CWF19L2: variants seen among roughly 807,000 people sequenced by gnomAD.
The protein encoded by CWF19L2 is CWF19 like cell cycle control factor 2.
CWF19L2 carries 98 observed loss-of-function variants against 111.7 expected under a neutral mutation model. The observed-to-expected ratio is 0.88, with a 90% CI of 0.75 to 1.04. The LOEUF (loss-of-function observed/expected upper bound fraction) is 1.04. CWF19L2 is among the 50% of genes least tolerant of loss of function. CWF19L2 has a pLI of 0.00. For synonymous variants in CWF19L2, 351 were observed against 342.9 expected, an observed-to-expected ratio of 1.02 and a Z score of -0.26; for missense variants, 1,101 against 1,051.4, an observed-to-expected ratio of 1.05 and a Z score of -0.65.
chr11:107,448,497 C>T (rs1861733181), intron 3 of CWF19L2, among the ~76,000 whole-genome samples: 1 of 151,516 alleles, frequency 6.6e-6, no homozygotes, highest in African/African-American at 2.4e-5. Flanking sequence ...AAGGAGACTA[C>T]CAAAATGAGA....
rs200476637 is a variant in CWF19L2 at position 107,374,423 on chromosome 11, C to A, written c.1872+15651G>T. Among the ~76,000 whole-genome samples the A allele has an allele frequency of 1.6e-4, 22 of 134,036 alleles. 2 individuals are homozygous for A. In the East Asian group the frequency reaches 2.6e-3, roughly 16 times the overall value. The allele number at this position is 134,036 out of a possible 152,430, so 87.9% of individuals were successfully genotyped here. ...CCCATCAGACTAACAGCAGATCTCTCGGCAGAAACTCTACAAGCCAGAAGA... is the reference window on the plus strand; with the variant it reads ...CCCATCAGACTAACAGCAGATCTCTAGGCAGAAACTCTACAAGCCAGAAGA... On this transcript the variant is annotated intron_variant, in intron 12 of 17. Transcript: ENST00000282251.
At chr11:107,372,954 A>G (rs1292398790) in intron 12 of CWF19L2, among the ~76,000 whole-genome samples, 1 of 114,480 alleles carries the variant, frequency 8.7e-6, no homozygotes, top group East Asian at 2.7e-4. Flanking sequence ...GCATTGCCTC[A>G]CTTGGGAAGT....
chr11:107,334,920 C>G lies in CWF19L2; in HGVS notation c.2400G>C (p.Lys800Asn), dbSNP rs561500106. The change falls in exon 16 of 18, where the codon AAG (lysine) becomes AAC (asparagine). Residue 800 changes from lysine to asparagine, a missense_variant. By Grantham distance (94) the Lys-to-Asn change is moderately conservative. Coordinates refer to ENST00000282251, the MANE Select transcript of CWF19L2 (RefSeq NM_152434.3). ...MESDEEWSMNKKLIDLSSKDI... is the reference protein window; with the variant it reads ...MESDEEWSMNNKLIDLSSKDI... ...CTTTTGAAGAGAGATCTATCAACTT[C>G]TTGTTCATGGACCACTCTTCATCAG... 1.9e-6 allele frequency: 3 copies of G among 1,608,638 alleles called. No individual in the cohort carries two copies. Among genetic ancestry groups the G allele is most frequent in the Non-Finnish European group, 2.6e-6 (3 of 1,175,604 alleles).
Position 107,457,722 on chromosome 11 carries a change from A to C in CWF19L2, c.95T>G (p.Val32Gly). ...KEQTRNARAE[V>G]LRQAKANFEK... ...CCAAAACAGAGGTACCTGGCGCAAC[A>C]CCTCGGCCCTGGCATTCCGGGTCTG... Residue 32 changes from valine (V) to glycine (G), a missense_variant, in exon 1 of 18, where the codon GTG (valine) becomes GGG (glycine). By Grantham distance (109) the Val-to-Gly change is moderately radical (BLOSUM62 -3). Transcript: ENST00000282251. 2 of 1,551,234 alleles carry C rather than the reference A, an allele frequency of 1.3e-6. No homozygotes were observed. Among genetic ancestry groups the C allele is most frequent in the Non-Finnish European group, 1.7e-6 (2 of 1,146,664 alleles).
intron 16 of CWF19L2, 60 bp downstream of exon 16, chr11:107,334,816 CATGGA>C: frequency 9.9e-7 from 1 of 1,013,166 alleles, no homozygotes; most frequent in South Asian, 1.4e-5. Flanking sequence ...TCAACTAAGA[CATGGA>C]AATTAATAAA....
In CWF19L2 at chr11:107,360,032, T is replaced by C. The variant is rs184235339; in HGVS notation, c.1873-6296A>G. On this transcript the variant is annotated intron_variant, in intron 12 of 17. Coordinates refer to ENST00000282251, the MANE Select transcript of CWF19L2 (RefSeq NM_152434.3). Reference sequence around the variant, plus strand: ...ATGCATAGATTGCATAGTGATGAAGTCAGGGCATTTAAAGTATTCATCACT... The same window carrying C: ...ATGCATAGATTGCATAGTGATGAAGCCAGGGCATTTAAAGTATTCATCACT... 2.0e-4 allele frequency among the ~76,000 whole-genome samples: 31 copies of C among 152,366 alleles called. No individual in the cohort carries two copies. The East Asian group carries it at 5.6e-3, about 27-fold the overall frequency.
intron 16 of CWF19L2, among the ~76,000 whole-genome samples, chr11:107,333,352 AAAT>A (rs1308593503): frequency 2.6e-5 from 4 of 152,228 alleles, no homozygotes; most frequent in African/African-American, 9.6e-5. Context: ...AAAAAGAAAC[AAAT>A]AATAAGATAC....
chr11:107,344,169 C>T (rs544407747), intron 14 of CWF19L2, among the ~76,000 whole-genome samples: 5 of 152,246 alleles, frequency 3.3e-5, no homozygotes, highest in Admixed American at 2.0e-4. Context: ...GCCAAAATCA[C>T]GCCACTGCAC....
rs1253529820 is a variant in CWF19L2, at chr11:107,375,275, T to C, written c.1872+14799A>G. Among the ~76,000 whole-genome samples, 14 of 134,932 alleles carry C rather than the reference T, an allele frequency of 1.0e-4. 2 individuals carry two copies. The East Asian group carries it at 2.4e-3, about 23-fold the overall frequency. The allele number at this position is 134,932 out of a possible 152,430, so 88.5% of individuals were successfully genotyped here. A position where few individuals can be genotyped will look rare whatever the true frequency, so the allele number is the denominator to read the frequency against. On this transcript the variant is annotated intron_variant, in intron 12 of 17. Transcript: ENST00000282251. ...TCAGCTCTGCACCAAGCGGACCTAA[T>C]ATACATCTACAGAACTCTCCACCCC...
chr11:107,395,832 A>G (rs928279868), intron 10 of CWF19L2, among the ~76,000 whole-genome samples: 5 of 152,308 alleles, frequency 3.3e-5, no homozygotes, highest in Non-Finnish European at 5.9e-5. Flanking sequence ...CTATTTGTCT[A>G]TATTTATCTC....
Position 107,370,602 on chromosome 11 carries a change from C to T in CWF19L2, c.1873-16866G>A, listed in dbSNP as rs1860493894. On this transcript the variant is annotated intron_variant, in intron 12 of 17. Coordinates refer to ENST00000282251, the MANE Select transcript of CWF19L2 (RefSeq NM_152434.3). Reference sequence around the variant, plus strand: ...GGAAAAGAGAAGAAATCACTGAGGTCGAGTCACAGAATTGAGAAAACCTCA... The same window carrying T: ...GGAAAAGAGAAGAAATCACTGAGGTTGAGTCACAGAATTGAGAAAACCTCA... Among the ~76,000 whole-genome samples, 4 of 134,518 alleles carry T rather than the reference C, an allele frequency of 3.0e-5. 1 individual carries two copies. Among genetic ancestry groups the T allele is most frequent in the Admixed American group, 2.2e-4 (3 of 13,774 alleles). The allele number at this position is 134,518 out of a possible 152,430, so 88.2% of individuals were successfully genotyped here.
chr11:107,364,343 T>A (rs1277439441), intron 12 of CWF19L2, among the ~76,000 whole-genome samples: 2 of 147,472 alleles, frequency 1.4e-5, no homozygotes, highest in African/African-American at 5.1e-5. Context: ...TCTACAGAAC[T>A]CTCCACCCCA....
At chr11:107,436,024 T>G (rs569563367) in intron 6 of CWF19L2, among the ~76,000 whole-genome samples, 5 of 151,958 alleles carry the variant, frequency 3.3e-5, no homozygotes, top group African/African-American at 7.2e-5. Context: ...TGTGGTGGCA[T>G]GCACCTGTAG....
intron 14 of CWF19L2, among the ~76,000 whole-genome samples, chr11:107,344,351 T>C (rs1429390483): frequency 6.6e-6 from 1 of 152,256 alleles, no homozygotes; most frequent in African/African-American, 2.4e-5. Context: ...GGATTTTTTC[T>C]TTTATCATTT....
intron 15 of CWF19L2, among the ~76,000 whole-genome samples, chr11:107,336,298 C>G (rs140437161): frequency 0.013 from 2,052 of 152,134 alleles, 22 homozygotes; most frequent in Non-Finnish European, 0.021. Context: ...AGGTGCCCAC[C>G]ACCATGCCCA....
At chr11:107,444,712 T>C (rs573706146) in intron 3 of CWF19L2, among the ~76,000 whole-genome samples, 40 of 152,244 alleles carry the variant, frequency 2.6e-4, no homozygotes, top group Middle Eastern at 3.4e-3. Flanking sequence ...AGCTATCCTC[T>C]TCTTCTACAA....
chr11:107,437,118 C>T (rs1861551663), intron 6 of CWF19L2, among the ~76,000 whole-genome samples: 1 of 152,130 alleles, frequency 6.6e-6, no homozygotes, highest in East Asian at 1.9e-4. Context: ...GTTGATAAAA[C>T]CTTCCCAAAA....
At chr11:107,346,131 A>C (rs1049870887) in intron 14 of CWF19L2, among the ~76,000 whole-genome samples, 14 of 152,192 alleles carry the variant, frequency 9.2e-5, no homozygotes, top group African/African-American at 3.1e-4. Context: ...AATCAAGTAC[A>C]TATGAATACA....
At chr11:107,394,344 C>T (rs1860891885) in intron 10 of CWF19L2, among the ~76,000 whole-genome samples, 1 of 152,090 alleles carries the variant, frequency 6.6e-6, no homozygotes, top group Admixed American at 6.5e-5. Context: ...ACTCCCTTAC[C>T]AGATAGTAGA....
Sources: gnomAD v4.1 joint callset for allele counts (sites outside exome capture counted in the v4.1 genomes callset) on GRCh38, gnomAD v4.1.1 for gene constraint, MANE v1.5 for transcripts, NCBI Gene and HGNC (gene_info 2026-07-23, HGNC 2026-07-21) for gene names.